Variants in SMAD2 observed in about 807,000 individuals in gnomAD.
SMAD2 encodes the protein SMAD family member 2, also known as MAD homolog 2.
A neutral mutation model predicts 64.4 loss-of-function variants in SMAD2; 8 were observed. The ratio of observed to expected loss-of-function variants is 0.12; its 90% CI spans 0.07 to 0.22. The LOEUF (loss-of-function observed/expected upper bound fraction) is 0.22, where lower values mean the gene tolerates loss of function less well. Ranked by LOEUF, SMAD2 falls within the 10% of genes least tolerant of loss-of-function variation. The pLI, the probability that SMAD2 is intolerant of heterozygous loss-of-function variation, is 1.00. For synonymous variants in SMAD2, 203 were observed against 195.8 expected (o/e 1.04, Z -0.31); for missense variants, 289 against 561.2 (o/e 0.51, Z 4.90).
Position 47,841,557 on chromosome 18 carries a change from G to A in SMAD2, c.*270C>T. 6.0e-6 allele frequency: 3 copies of A among 500,958 alleles called. No homozygotes were observed. Among genetic ancestry groups the A allele is most frequent in the Non-Finnish European group, 1.1e-5 (3 of 274,270 alleles). The allele number at this position is 500,958 out of a possible 1,614,324, so 31.0% of individuals were successfully genotyped here. A position where few individuals can be genotyped will look rare whatever the true frequency, so the allele number is the denominator to read the frequency against. ...ACTACTGTTATTAATAAACCTTTGG[G>A]ACACTCAGTTTTATGCCCAATAAGA... On this transcript the variant is annotated 3_prime_UTR_variant, in exon 11 of 11. Transcript: ENST00000262160.
rs1024413647 is a variant in SMAD2, at chr18:47,840,563, T to C, written c.*1264A>G. On this transcript the variant is annotated 3_prime_UTR_variant, in exon 11 of 11. Transcript: ENST00000262160. ...AAAATTCTGAATTCATAATTATGTG[T>C]AGAATAACAATCAATTTATAAACTG... is the stretch of plus-strand genomic sequence containing the variant. 5.6e-5 allele frequency: 13 copies of C among 232,114 alleles called. No homozygotes were observed. Among genetic ancestry groups the C allele is most frequent in the Non-Finnish European group, 1.0e-4 (12 of 117,398 alleles). The allele number at this position is 232,114 out of a possible 1,614,324, so 14.4% of individuals were successfully genotyped here. A position where few individuals can be genotyped will look rare whatever the true frequency, so the allele number is the denominator to read the frequency against.
intron 6 of SMAD2, among the ~76,000 whole-genome samples, chr18:47,861,440 G>T (rs2031182862): frequency 6.6e-6 from 1 of 152,102 alleles, no homozygotes; most frequent in Non-Finnish European, 1.5e-5. Flanking sequence ...TAACAAGAAT[G>T]CAGGAGAAAA....
chr18:47,892,968 T>C (rs541468441), intron 2 of SMAD2, among the ~76,000 whole-genome samples: 61 of 152,316 alleles, frequency 4.0e-4, no homozygotes, highest in African/African-American at 1.3e-3. Flanking sequence ...CCATCCCCAC[T>C]GCAATTTCAA....
Position 47,850,621 on chromosome 18 carries a change from AT to A in SMAD2, c.784+652del, listed in dbSNP as rs1279896908. Among the ~76,000 whole-genome samples the A allele has an allele frequency of 5.4e-3, 193 of 35,758 alleles. 22 individuals are homozygous for A. Among genetic ancestry groups the A allele is most frequent in the Admixed American group, 0.013 (21 of 1,612 alleles). The allele number at this position is 35,758 out of a possible 152,430, so 23.5% of individuals were successfully genotyped here. A position where few individuals can be genotyped will look rare whatever the true frequency, so the allele number is the denominator to read the frequency against. On this transcript the variant is annotated intron_variant, in intron 7 of 10. Transcript: ENST00000262160. ...ATATTATGTATAATATATATTATAT[AT>A]TATATATATATTATATATATTATGT...
Position 47,837,742 on chromosome 18 carries a change from C to A in SMAD2, c.*4085G>T. 4.3e-6 allele frequency: 1 copy of A among 232,856 alleles called. No individual in the cohort carries two copies. The highest frequency in any genetic ancestry group is 8.5e-6 in the Non-Finnish European group (1 of 117,770). 14.4% of individuals were successfully genotyped at this position (232,856 alleles called of 1,614,324 possible). A position where few individuals can be genotyped will look rare whatever the true frequency, so the allele number is the denominator to read the frequency against. ...GTTTGATATGTCTAAGTATCAATGCCTTCGATCAGAGTAAGAAAAAAGTAT... is the reference window on the plus strand; with the variant it reads ...GTTTGATATGTCTAAGTATCAATGCATTCGATCAGAGTAAGAAAAAAGTAT... On this transcript the variant is annotated 3_prime_UTR_variant, in exon 11 of 11. Coordinates refer to ENST00000262160, the MANE Select transcript of SMAD2 (RefSeq NM_005901.6).
intron 1 of SMAD2, chr18:47,920,296 G>A (rs1398141938): frequency 2.6e-5 from 4 of 152,148 alleles, no homozygotes; most frequent in Middle Eastern, 6.3e-3. Flanking sequence ...CATCACAGCG[G>A]GAATTACAAG....
chr18:47,930,859 G>C (rs958239219), upstream of SMAD2: 1 of 149,496 alleles, frequency 6.7e-6, no homozygotes, highest in Admixed American at 6.6e-5. Flanking sequence ...GCGGCCGCGC[G>C]GGTAGACCCG....
Position 47,840,187 on chromosome 18 carries a change from A to T in SMAD2, c.*1640T>A. ...CCCAATAGAAAACCACCAAATGTTG[A>T]AAGTATTGAAAATGATACCTATAGA... On this transcript the variant is annotated 3_prime_UTR_variant, in exon 11 of 11. Transcript: ENST00000262160. 4.3e-6 allele frequency: 1 copy of T among 233,184 alleles called. No homozygotes were observed. The highest frequency in any genetic ancestry group is 8.5e-6 in the Non-Finnish European group (1 of 117,928). 14.4% of individuals were successfully genotyped at this position (233,184 alleles called of 1,614,324 possible). A position where few individuals can be genotyped will look rare whatever the true frequency, so the allele number is the denominator to read the frequency against.
Position 47,907,832 on chromosome 18 carries a change from T to C in SMAD2, c.-53-11023A>G, listed in dbSNP as rs550817980. On this transcript the variant is annotated intron_variant, in intron 1 of 10. Coordinates refer to ENST00000262160, the MANE Select transcript of SMAD2 (RefSeq NM_005901.6). ...TTAGCCATGTGCATGTCTATACTCCTAGCTACTTGAAAGGATCACTAGAGC... is the reference window on the plus strand; with the variant it reads ...TTAGCCATGTGCATGTCTATACTCCCAGCTACTTGAAAGGATCACTAGAGC... Among the ~76,000 whole-genome samples the C allele has an allele frequency of 3.7e-3, 567 of 152,226 alleles. 1 individual carries two copies. The highest frequency in any genetic ancestry group is 0.013 in the African/African-American group (546 of 41,528).
intron 2 of SMAD2, among the ~76,000 whole-genome samples, chr18:47,887,089 TAG>T (rs1310098344): frequency 5.3e-5 from 8 of 152,196 alleles, no homozygotes; most frequent in Admixed American, 5.2e-4. Context: ...TGAAACAAAC[TAG>T]ACTTAGTGAG....
In SMAD2 at chr18:47,835,360, T is replaced by G; in HGVS notation, c.*6467A>C. On this transcript the variant is annotated 3_prime_UTR_variant, in exon 11 of 11. Coordinates refer to ENST00000262160, the MANE Select transcript of SMAD2 (RefSeq NM_005901.6). ...AATTAATCTGTGTGTATATTAGTTATATAAAGCAATGGATTTCCACATTCT... is the reference window on the plus strand; with the variant it reads ...AATTAATCTGTGTGTATATTAGTTAGATAAAGCAATGGATTTCCACATTCT... 4.9e-6 allele frequency: 1 copy of G among 204,038 alleles called. No homozygotes were observed. The highest frequency in any genetic ancestry group is 1.0e-5 in the Non-Finnish European group (1 of 99,344). 12.6% of individuals were successfully genotyped at this position (204,038 alleles called of 1,614,324 possible).
chr18:47,867,713 G>A (rs753578984), intron 5 of SMAD2, among the ~76,000 whole-genome samples: 1 of 150,458 alleles, frequency 6.6e-6, no homozygotes, highest in Non-Finnish European at 1.5e-5. Flanking sequence ...ATATCGTGGA[G>A]TATTACTGGA....
intron 6 of SMAD2, among the ~76,000 whole-genome samples, chr18:47,851,653 G>A (rs748683174): frequency 2.6e-5 from 4 of 151,952 alleles, no homozygotes; most frequent in Non-Finnish European, 4.4e-5. Context: ...TTTTTGTTCT[G>A]TGTCCTTTCT....
chr18:47,837,090 T>C lies in SMAD2; in HGVS notation c.*4737A>G. ...ATAATCTTAAACATAATTTATGCCA[T>C]TTGCCAGTCACAAAGACATTTACTG... On this transcript the variant is annotated 3_prime_UTR_variant, in exon 11 of 11. Transcript: ENST00000262160. The C allele has an allele frequency of 4.9e-6, 1 of 202,746 alleles. No homozygotes were observed. Among genetic ancestry groups the C allele is most frequent in the Non-Finnish European group, 1.0e-5 (1 of 98,626 alleles). The allele number at this position is 202,746 out of a possible 1,614,324, so 12.6% of individuals were successfully genotyped here. A position where few individuals can be genotyped will look rare whatever the true frequency, so the allele number is the denominator to read the frequency against.
intron 6 of SMAD2, among the ~76,000 whole-genome samples, chr18:47,860,987 C>T (rs1283929444): frequency 2.0e-5 from 3 of 152,070 alleles, no homozygotes; most frequent in Admixed American, 2.0e-4. Flanking sequence ...AATGTCCATT[C>T]TTATAGCTTC....
At chr18:47,898,696 GT>G (rs2033551093) in intron 1 of SMAD2, among the ~76,000 whole-genome samples, 2 of 151,932 alleles carry the variant, frequency 1.3e-5, no homozygotes, top group East Asian at 3.9e-4. Flanking sequence ...TCTCAGGATG[GT>G]CAATGACTAG....
intron 6 of SMAD2, among the ~76,000 whole-genome samples, chr18:47,854,751 A>G (rs1350921936): frequency 6.6e-6 from 1 of 152,138 alleles, no homozygotes; most frequent in Non-Finnish European, 1.5e-5. Flanking sequence ...AACTGAACAG[A>G]AAGTACAAAA....
At position 47,834,943 on chromosome 18, in the gene SMAD2, T is replaced by C. The variant is rs1913274554; in HGVS notation, c.*6884A>G. The C allele has an allele frequency of 4.5e-6, 1 of 223,476 alleles. No individual in the cohort carries two copies. The highest frequency in any genetic ancestry group is 2.2e-5 in the African/African-American group (1 of 44,798). The allele number at this position is 223,476 out of a possible 1,614,324, so 13.8% of individuals were successfully genotyped here. A position where few individuals can be genotyped will look rare whatever the true frequency, so the allele number is the denominator to read the frequency against. On this transcript the variant is annotated 3_prime_UTR_variant, in exon 11 of 11. Transcript: ENST00000262160. ...GCCCTCCGATTACAAAGGCCCAGAA[T>C]GTTACTTTTAACTGTGCTCCACCAG...
chr18:47,891,378 A>G (rs957430428), intron 2 of SMAD2, among the ~76,000 whole-genome samples: 1 of 152,164 alleles, frequency 6.6e-6, no homozygotes, highest in Non-Finnish European at 1.5e-5. Flanking sequence ...AGGACACATG[A>G]GGAACTAGTA....
Sources: allele counts gnomAD v4.1 joint callset (sites outside exome capture counted in the v4.1 genomes callset), GRCh38; gene constraint gnomAD v4.1.1; transcripts MANE v1.5; gene names NCBI Gene and HGNC (gene_info 2026-07-23, HGNC 2026-07-21).